Variants in CREB5 observed in about 807,000 individuals in gnomAD.
CREB5 encodes cyclic AMP-responsive element-binding protein 5.
CREB5 carries 19 observed loss-of-function variants against 57.1 expected under a neutral mutation model. The ratio of observed to expected loss-of-function variants is 0.33; its 90% CI spans 0.23 to 0.49. The LOEUF (loss-of-function observed/expected upper bound fraction) is 0.49, where lower values mean the gene tolerates loss of function less well. Ranked by LOEUF, CREB5 falls within the 20% of genes least tolerant of loss-of-function variation. CREB5 has a pLI of 0.99. For missense variants in CREB5, 579 were observed against 671.6 expected, an observed-to-expected ratio of 0.86 and a Z score of 1.52; for synonymous variants, 238 against 238.3, an observed-to-expected ratio of 1.00 and a Z score of 0.01.
At chr7:28,698,124 G>A (rs1176354041) in intron 5 of CREB5, among the ~76,000 whole-genome samples, 1 of 152,150 alleles carries the variant, frequency 6.6e-6, no homozygotes, top group East Asian at 1.9e-4. Context: ...AGGGGGGAAA[G>A]TGCTTGGCAA....
chr7:28,628,200 G>A (rs1464734266), intron 5 of CREB5, among the ~76,000 whole-genome samples: 2 of 151,756 alleles, frequency 1.3e-5, no homozygotes, highest in East Asian at 3.9e-4. Context: ...TCAGTCTTTA[G>A]GGTCTCGAGA....
chr7:28,457,969 T>C (rs755225459), intron 1 of CREB5, among the ~76,000 whole-genome samples: 1 of 152,096 alleles, frequency 6.6e-6, no homozygotes, highest in Non-Finnish European at 1.5e-5. Flanking sequence ...TTAGATTTCT[T>C]GTTATTGAAC....
chr7:28,640,991 C>A (rs2128700213), intron 5 of CREB5, among the ~76,000 whole-genome samples: 1 of 152,248 alleles, frequency 6.6e-6, no homozygotes, highest in Admixed American at 6.5e-5. Flanking sequence ...GCTGGGGCCC[C>A]TTTTAGAAGG....
chr7:28,765,642 G>A (rs915902943), intron 7 of CREB5, among the ~76,000 whole-genome samples: 6 of 152,146 alleles, frequency 3.9e-5, no homozygotes, highest in South Asian at 2.1e-4. Context: ...AAAAAAAGAC[G>A]AAAATATTTG....
chr7:28,531,240 A>C (rs1343610495), intron 4 of CREB5, among the ~76,000 whole-genome samples: 1 of 152,010 alleles, frequency 6.6e-6, no homozygotes, highest in Non-Finnish European at 1.5e-5. Context: ...TGGGTGGCTT[A>C]GAACAACAGA....
intron 1 of CREB5, among the ~76,000 whole-genome samples, chr7:28,313,871 TGAGATTTA>T (rs1439418411): frequency 2.0e-5 from 3 of 152,222 alleles, no homozygotes; most frequent in Non-Finnish European, 2.9e-5. Context: ...AGGGAGATTT[TGAGATTTA>T]TTCTAGCATA....
intron 5 of CREB5, among the ~76,000 whole-genome samples, chr7:28,630,522 C>G (rs1420262262): frequency 1.3e-5 from 2 of 152,114 alleles, no homozygotes; most frequent in Non-Finnish European, 2.9e-5. Flanking sequence ...TTCATTTTCA[C>G]CTGACATATT....
At chr7:28,398,505 C>T (rs1787382634) in intron 1 of CREB5, among the ~76,000 whole-genome samples, 1 of 152,120 alleles carries the variant, frequency 6.6e-6, no homozygotes, top group South Asian at 2.1e-4. Context: ...ATGGAATCAT[C>T]AGGGGCTTCA....
chr7:28,599,779 C>T (rs991016860), intron 5 of CREB5, among the ~76,000 whole-genome samples: 1 of 148,466 alleles, frequency 6.7e-6, no homozygotes, highest in Non-Finnish European at 1.5e-5. Flanking sequence ...TAGTTAGAAC[C>T]GCATCCTCTC....
intron 7 of CREB5, among the ~76,000 whole-genome samples, chr7:28,735,113 T>G (rs10155866): frequency 7.2e-5 from 11 of 151,988 alleles, no homozygotes; most frequent in Non-Finnish European, 1.6e-4. Context: ...TTTTGGTTTT[T>G]TTTGTTTTTT....
intron 4 of CREB5, among the ~76,000 whole-genome samples, chr7:28,524,925 C>T (rs150601): frequency 0.83 from 126,121 of 152,118 alleles, 52,345 homozygotes; most frequent in Admixed American, 0.86. Flanking sequence ...GAACTTATTT[C>T]TTCTATCCAA....
At chr7:28,799,841 C>A (rs899283691) in intron 7 of CREB5, among the ~76,000 whole-genome samples, 2 of 152,230 alleles carry the variant, frequency 1.3e-5, no homozygotes, top group African/African-American at 4.8e-5. Flanking sequence ...TACATGACTT[C>A]TGTAGTTGAT....
intron 5 of CREB5, among the ~76,000 whole-genome samples, chr7:28,617,706 A>C (rs1797642487): frequency 1.3e-5 from 2 of 152,258 alleles, no homozygotes; most frequent in African/African-American, 4.8e-5. Context: ...CTGTCCCAGC[A>C]GGAGATGTTA....
intron 1 of CREB5, among the ~76,000 whole-genome samples, chr7:28,424,111 C>A (rs745368766): frequency 6.6e-6 from 1 of 152,200 alleles, no homozygotes; most frequent in East Asian, 1.9e-4. Flanking sequence ...GTCTTCCCTT[C>A]GCATATCTGT....
At position 28,507,629 on chromosome 7, in the gene CREB5, C is replaced by A. The variant is rs775664508; in HGVS notation, c.183C>A (p.Thr61=). 6.2e-7 allele frequency: 1 copy of A among 1,609,948 alleles called. No individual in the cohort carries two copies. Among genetic ancestry groups the A allele is most frequent in the Non-Finnish European group, 8.5e-7 (1 of 1,177,094 alleles). The change falls in exon 4 of 11, where the codon ACC becomes ACA. Residue 61 remains threonine (T), a synonymous_variant. Transcript: ENST00000357727. ...CTCTGTTTTCAGATCAAACTCCGAC[C>A]CCAACGAGATTCCTGAAGAACTGCG... The part of the protein sequence containing the change: ...TDNMLSDQTP[T]PTRFLKNCEE...
At chr7:28,563,654 T>C (rs1795365521) in intron 4 of CREB5, among the ~76,000 whole-genome samples, 1 of 152,204 alleles carries the variant, frequency 6.6e-6, no homozygotes, top group Non-Finnish European at 1.5e-5. Flanking sequence ...GTCTCTCAAG[T>C]AGCTGGGACC....
chr7:28,382,804 C>A (rs1225567122), intron 1 of CREB5, among the ~76,000 whole-genome samples: 1 of 151,852 alleles, frequency 6.6e-6, no homozygotes, highest in East Asian at 1.9e-4. Context: ...ACTCACCTGG[C>A]AGCAGAGGAG....
At chr7:28,560,866 C>CGTGCGTGTG (rs1562797336) in intron 4 of CREB5, among the ~76,000 whole-genome samples, 1 of 50,264 alleles carries the variant, frequency 2.0e-5, no homozygotes, top group Non-Finnish European at 4.3e-5. Context: ...GTGCGTGTGC[C>CGTGCGTGTG]TGCGTGCGCG....
chr7:28,638,831 T>C (rs939505088), intron 5 of CREB5, among the ~76,000 whole-genome samples: 16 of 152,130 alleles, frequency 1.1e-4, no homozygotes, highest in Non-Finnish European at 1.8e-4. Context: ...AGAACAAAAC[T>C]TGGAAATATT....
Sources: allele counts gnomAD v4.1 joint callset (sites outside exome capture counted in the v4.1 genomes callset), GRCh38; gene constraint gnomAD v4.1.1; transcripts MANE v1.5; gene names NCBI Gene and HGNC (gene_info 2026-07-23, HGNC 2026-07-21).